The following XIAP variants were observed in gnomAD, a reference collection of about 807,000 sequenced individuals.
The protein encoded by XIAP is E3 ubiquitin-protein ligase XIAP.
XIAP carries 3 observed loss-of-function variants against 33.1 expected under a neutral mutation model. That is an observed-to-expected ratio of 0.09 (90% CI 0.04 to 0.23). The LOEUF is 0.23. Among genes scored for constraint, XIAP ranks in the 10% least tolerant of loss-of-function variants. The pLI is 1.00. For missense variants in XIAP, 264 were observed against 363.0 expected (o/e 0.73, Z 2.22); for synonymous variants, 98 against 121.3 (o/e 0.81, Z 1.26).
chrX:123,882,468 T>C, intron 1 of XIAP, among the ~76,000 whole-genome samples: 1 of 112,071 alleles, frequency 8.9e-6, no homozygotes, highest in Non-Finnish European at 1.9e-5. Flanking sequence ...TCCTTCGCTA[T>C]TCCAACTATT....
chrX:123,888,783 C>T, intron 3 of XIAP, 65 bp downstream of exon 3: 1 of 976,196 alleles, frequency 1.0e-6, no homozygotes, highest in East Asian at 3.1e-5. Context: ...ACTTGAATTA[C>T]TTTTTACCTC....
At chrX:123,864,995 T>C (rs1602526689) in intron 1 of XIAP, among the ~76,000 whole-genome samples, 1 of 47,452 alleles carries the variant, frequency 2.1e-5, no homozygotes, top group Non-Finnish European at 4.2e-5. Context: ...TTTCTTCTTT[T>C]TTTTTTTTTT....
chrX:123,865,264 G>C (rs771582415), intron 1 of XIAP, among the ~76,000 whole-genome samples: 4 of 110,876 alleles, frequency 3.6e-5, no homozygotes, highest in African/African-American at 1.3e-4. Flanking sequence ...CTGTATCTTA[G>C]AGGTCATGTG....
At chrX:123,873,694 G>A (rs913251722) in intron 1 of XIAP, 1 of 109,594 alleles carries the variant, frequency 9.1e-6, no homozygotes, top group Admixed American at 9.8e-5. Flanking sequence ...GGGAGTCTGA[G>A]GCAGGTGGAT....
chrX:123,871,890 C>T (rs2053197075), intron 1 of XIAP, among the ~76,000 whole-genome samples: 1 of 109,730 alleles, frequency 9.1e-6, no homozygotes, highest in African/African-American at 3.3e-5. Flanking sequence ...ATCACGAGGT[C>T]AGGAGATCGA....
chrX:123,912,921 C>T lies in XIAP; in HGVS notation c.*5740C>T, dbSNP rs1291503308. 1 of 316,724 alleles carries T rather than the reference C, an allele frequency of 3.2e-6. No homozygotes were observed. Among genetic ancestry groups the T allele is most frequent in the East Asian group, 9.9e-5 (1 of 10,055 alleles). 26.1% of individuals were successfully genotyped at this position (316,724 alleles called of 1,213,427 possible). On this transcript the variant is annotated 3_prime_UTR_variant, in exon 7 of 7. Transcript: ENST00000371199. ...TTCATCTCCCAAAGTGCTGGGATTA[C>T]AGGCGTGAGCCACCACGGCCGGCTA...
In XIAP at chrX:123,907,527, G is replaced by T. The variant is rs1467548936; in HGVS notation, c.*346G>T. On this transcript the variant is annotated 3_prime_UTR_variant, in exon 7 of 7. Transcript: ENST00000371199. ...CTGGATTTTTTATTCTTTTCAGATA[G>T]GCTTAACAAATGGAGCTTTCTGTAT... 1 of 379,494 alleles carries T rather than the reference G, an allele frequency of 2.6e-6. No homozygotes were observed. Among genetic ancestry groups the T allele is most frequent in the South Asian group, 2.8e-5 (1 of 35,653 alleles). The allele number at this position is 379,494 out of a possible 1,213,427, so 31.3% of individuals were successfully genotyped here.
chrX:123,899,047 G>A (rs749087943), intron 5 of XIAP, among the ~76,000 whole-genome samples: 2 of 95,513 alleles, frequency 2.1e-5, no homozygotes, highest in African/African-American at 7.6e-5. Flanking sequence ...CTTGAACCTG[G>A]GAGGTGGAGG....
chrX:123,905,277 C>G (rs1464239665), intron 6 of XIAP, among the ~76,000 whole-genome samples: 13 of 111,668 alleles, frequency 1.2e-4, no homozygotes, highest in African/African-American at 4.2e-4. Flanking sequence ...TCATCTCATG[C>G]TATTTTCTCA....
At position 123,911,509 on chromosome X, in the gene XIAP, T is replaced by C. The variant is rs2053602925; in HGVS notation, c.*4328T>C. On this transcript the variant is annotated 3_prime_UTR_variant, in exon 7 of 7. Coordinates refer to ENST00000371199, the MANE Select transcript of XIAP (RefSeq NM_001167.4). ...AAAAAAAGATATAAATCACAATAAA[T>C]AAATAGGTCAATACAAATGTTAGCC... The C allele has an allele frequency of 6.5e-6, 2 of 309,692 alleles. No homozygotes were observed. The highest frequency in any genetic ancestry group is 7.1e-5 in the Admixed American group (2 of 28,185). 25.5% of individuals were successfully genotyped at this position (309,692 alleles called of 1,213,427 possible).
chrX:123,865,538 AC>A (rs1304397149), intron 1 of XIAP, among the ~76,000 whole-genome samples: 4 of 104,114 alleles, frequency 3.8e-5, no homozygotes, highest in Non-Finnish European at 7.9e-5. Context: ...CCATCCTGGC[AC>A]CCCTCTCTGC....
At chrX:123,872,232 A>G (rs2053200717) in intron 1 of XIAP, among the ~76,000 whole-genome samples, 1 of 110,850 alleles carries the variant, frequency 9.0e-6, no homozygotes, top group Non-Finnish European at 1.9e-5. Context: ...CCCCAAAGTC[A>G]TTGTAAATTT....
chrX:123,902,233 CTCTA>C (rs1178327675), intron 6 of XIAP, among the ~76,000 whole-genome samples: 1 of 111,333 alleles, frequency 9.0e-6, no homozygotes, highest in Non-Finnish European at 1.9e-5. Context: ...AGTGTCTTTT[CTCTA>C]TCTAACAGGA....
Position 123,910,808 on chromosome X carries a change from C to T in XIAP, c.*3627C>T, listed in dbSNP as rs1431818789. ...GTGTGAACCCGGGAGGCAGAGCTTG[C>T]AGTGAGCCGAGATCTCGCCACTGCA... On this transcript the variant is annotated 3_prime_UTR_variant, in exon 7 of 7. Transcript: ENST00000371199. The T allele has an allele frequency of 6.9e-6, 2 of 287,829 alleles. No individual in the cohort carries two copies. Among genetic ancestry groups the T allele is most frequent in the Non-Finnish European group, 1.3e-5 (2 of 154,603 alleles). The allele number at this position is 287,829 out of a possible 1,213,427, so 23.7% of individuals were successfully genotyped here.
intron 1 of XIAP, among the ~76,000 whole-genome samples, chrX:123,871,052 C>G (rs914574764): frequency 9.0e-6 from 1 of 111,502 alleles, no homozygotes; most frequent in Non-Finnish European, 1.9e-5. Flanking sequence ...AAGTGATTCT[C>G]CTGCCTCAGC....
At chrX:123,906,860 G>A (rs1228256852) in intron 6 of XIAP, 128 bp from the exon 7 acceptor site, 1 of 746,186 alleles carries the variant, frequency 1.3e-6, no homozygotes, top group Non-Finnish European at 2.0e-6. Context: ...TGCCACGGGT[G>A]AGTCATCCTC....
intron 1 of XIAP, among the ~76,000 whole-genome samples, chrX:123,877,306 A>G (rs2053255102): frequency 1.8e-5 from 2 of 111,620 alleles, no homozygotes; most frequent in African/African-American, 6.5e-5. Context: ...ACCTCAAGTG[A>G]TCCGCCTGCC....
chrX:123,873,473 CCT>C (rs1169755558), intron 1 of XIAP, among the ~76,000 whole-genome samples: 9 of 108,502 alleles, frequency 8.3e-5, no homozygotes, highest in Middle Eastern at 9.5e-3. Flanking sequence ...CATGTCTGGC[CCT>C]CTCTCTCTCT....
At position 123,890,505 on chromosome X, in the gene XIAP, C is replaced by T. The variant is rs192097248; in HGVS notation, c.978-733C>T. ...ATTAGCCAGTCATGATGGCACACAC[C>T]TGTAGTTCCAGTTACTCATGAGGCT... On this transcript the variant is annotated intron_variant, in intron 3 of 6. Transcript: ENST00000371199. Among the ~76,000 whole-genome samples, 8 of 107,734 alleles carry T rather than the reference C, an allele frequency of 7.4e-5. No homozygotes were observed. The East Asian group carries it at 2.4e-3, about 32-fold the overall frequency. The allele number at this position is 107,734 out of a possible 115,157, so 93.6% of individuals were successfully genotyped here.
Sources: allele counts gnomAD v4.1 joint callset (sites outside exome capture counted in the v4.1 genomes callset), GRCh38; gene constraint gnomAD v4.1.1; transcripts MANE v1.5; gene names NCBI Gene and HGNC (gene_info 2026-07-23, HGNC 2026-07-21).